Variants in TOM1 observed in about 807,000 individuals in gnomAD.
TOM1 encodes the protein target of myb1 membrane trafficking protein, also known as target of Myb protein 1.
In TOM1, 38 loss-of-function variants were observed where a neutral mutation model predicts 61.3. That is an observed-to-expected ratio of 0.62 (90% CI 0.48 to 0.81). The LOEUF is 0.81. TOM1 is among the 40% of genes least tolerant of loss of function. The pLI is 0.00. For synonymous variants in TOM1, 270 were observed against 268.8 expected, an observed-to-expected ratio of 1.00 and a Z score of -0.04; for missense variants, 591 against 659.6, an observed-to-expected ratio of 0.90 and a Z score of 1.14.
Position 35,332,980 on chromosome 22 carries a change from G to A in TOM1, c.900-1G>A. ...TAACTCGTGTCTTTTCTGTCTTGTA[G>A]GTTTGAACGGTTCCGAACAGGCCAG... On this transcript the variant is annotated splice_acceptor_variant, in intron 8 of 14. Transcript: ENST00000449058. LOFTEE classifies it high-confidence loss of function. The A allele has an allele frequency of 6.2e-7, 1 of 1,614,160 alleles. No individual in the cohort carries two copies.
chr22:35,320,677 C>T (rs1046354393), intron 2 of TOM1, among the ~76,000 whole-genome samples: 8 of 152,280 alleles, frequency 5.3e-5, no homozygotes, highest in Middle Eastern at 3.4e-3. Context: ...CCCATCCTCA[C>T]CTCTGCTCTT....
intron 6 of TOM1, among the ~76,000 whole-genome samples, chr22:35,326,331 G>A (rs1045796757): frequency 2.6e-5 from 4 of 152,180 alleles, no homozygotes; most frequent in African/African-American, 9.7e-5. Flanking sequence ...CAGTGTGCAT[G>A]AGGGCATTAA....
intron 1 of TOM1, among the ~76,000 whole-genome samples, chr22:35,308,956 GA>G (rs1347090871): frequency 6.6e-6 from 1 of 152,126 alleles, no homozygotes; most frequent in Non-Finnish European, 1.5e-5. Context: ...AGCAAATTAG[GA>G]GATGGATGGA....
chr22:35,323,057 G>T lies in TOM1; in HGVS notation c.246G>T (p.Gly82=), dbSNP rs1340998030. The change falls in exon 4 of 15, where the codon GGG becomes GGT. Residue 82 remains glycine (G), a synonymous_variant. Coordinates refer to ENST00000449058, the MANE Select transcript of TOM1 (RefSeq NM_005488.3). The surrounding 1 kb of genome is among the most constrained non-coding windows in gnomAD (Gnocchi z 4.2). ...TVLETCVKNC[G]HRFHVLVASQ... ...TAGAAACCTGTGTCAAGAACTGCGG[G>T]CACCGCTTCCACGTGCTGGTGGCCA... 17 of 1,614,012 alleles carry T rather than the reference G, an allele frequency of 1.1e-5. No homozygotes were observed. Among genetic ancestry groups the T allele is most frequent in the Non-Finnish European group, 1.4e-5 (17 of 1,180,054 alleles).
chr22:35,301,954 A>G (rs1165370077), intron 1 of TOM1, among the ~76,000 whole-genome samples: 1 of 152,234 alleles, frequency 6.6e-6, no homozygotes, highest in Non-Finnish European at 1.5e-5. Flanking sequence ...TTAAAAATAA[A>G]CAAGTAAATA....
chr22:35,301,911 CT>C (rs1381033932), intron 1 of TOM1, among the ~76,000 whole-genome samples: 1 of 152,192 alleles, frequency 6.6e-6, no homozygotes, highest in African/African-American at 2.4e-5. Context: ...GAAACCACTG[CT>C]TTTATCACAT....
At chr22:35,308,036 G>A (rs1926481635) in intron 1 of TOM1, among the ~76,000 whole-genome samples, 1 of 152,154 alleles carries the variant, frequency 6.6e-6, no homozygotes, top group Admixed American at 6.5e-5. Context: ...GGCCTGAATA[G>A]GAAAAAGACT....
In TOM1 at chr22:35,299,982, T is replaced by G. The variant is rs767077865; in HGVS notation, c.52+2T>G. ...GCTCTCCAGTGGGACAGCGCATCGGTGAGTCCCTGGAGCCCCCCACAGCTC... is the reference window on the plus strand; with the variant it reads ...GCTCTCCAGTGGGACAGCGCATCGGGGAGTCCCTGGAGCCCCCCACAGCTC... On this transcript the variant is annotated splice_donor_variant, in intron 1 of 14. Coordinates refer to ENST00000449058, the MANE Select transcript of TOM1 (RefSeq NM_005488.3). LOFTEE classifies it high-confidence loss of function. 3 of 1,571,622 alleles carry G rather than the reference T, an allele frequency of 1.9e-6. No homozygotes were observed. Among genetic ancestry groups the G allele is most frequent in the Non-Finnish European group, 2.6e-6 (3 of 1,157,466 alleles).
At chr22:35,342,149 A>G (rs1327437228) in intron 12 of TOM1, among the ~76,000 whole-genome samples, 1 of 152,158 alleles carries the variant, frequency 6.6e-6, no homozygotes, top group Non-Finnish European at 1.5e-5. Flanking sequence ...TCAAAAAAAA[A>G]GAAACAGAAT....
chr22:35,341,370 A>G (rs1929868243), intron 12 of TOM1, among the ~76,000 whole-genome samples: 2 of 152,116 alleles, frequency 1.3e-5, no homozygotes, highest in South Asian at 4.1e-4. Context: ...ACAGGGAGAT[A>G]CCCTGCCTAG....
At chr22:35,308,110 A>T (rs1174629502) in intron 1 of TOM1, among the ~76,000 whole-genome samples, 2 of 152,044 alleles carry the variant, frequency 1.3e-5, no homozygotes, top group East Asian at 3.9e-4. Flanking sequence ...CTTGGACAGC[A>T]TCTGTTTCCT....
At position 35,307,282 on chromosome 22, in the gene TOM1, T is replaced by G. The variant is rs568003604; in HGVS notation, c.52+7302T>G. ...GCTTATCTGTTAAAATTTGACCTCATCCTATATAATTATATCCATGAAATC... is the reference window on the plus strand; with the variant it reads ...GCTTATCTGTTAAAATTTGACCTCAGCCTATATAATTATATCCATGAAATC... On this transcript the variant is annotated intron_variant, in intron 1 of 14. Transcript: ENST00000449058. Among the ~76,000 whole-genome samples, 19 of 152,300 alleles carry G rather than the reference T, an allele frequency of 1.2e-4. No individual in the cohort carries two copies. The South Asian group carries it at 3.7e-3, about 30-fold the overall frequency.
rs903939191 is a variant in TOM1 at position 35,317,935 on chromosome 22, C to T, written c.111C>T (p.Cys37=). 8 of 1,613,968 alleles carry T rather than the reference C, an allele frequency of 5.0e-6. No individual in the cohort carries two copies. In the Admixed American group the frequency reaches 6.7e-5, roughly 13 times the overall value. Residue 37 remains cysteine, a synonymous_variant, in exon 2 of 15, where the codon TGC becomes TGT. Coordinates refer to ENST00000449058, the MANE Select transcript of TOM1 (RefSeq NM_005488.3). ...SEDWALNMEI[C]DIINETEEGP... is the part of the protein sequence containing the mutation. ...ACTGGGCCCTCAACATGGAGATCTG[C>T]GACATCATCAACGAGACGGAGGAAG...
intron 9 of TOM1, 109 bp downstream of exon 9, chr22:35,333,123 C>G: frequency 8.1e-7 from 1 of 1,241,782 alleles, no homozygotes; most frequent in Non-Finnish European, 1.2e-6. Context: ...CTGTCTTATC[C>G]AGGCCCATAG....
At chr22:35,343,179 CA>C in intron 12 of TOM1, among the ~76,000 whole-genome samples, 1 of 135,528 alleles carries the variant, frequency 7.4e-6, no homozygotes, top group Admixed American at 7.4e-5. Context: ...CACCTACACA[CA>C]CCACACCTCC....
chr22:35,323,178 G>C lies in TOM1; in HGVS notation c.366+1G>C. 1.2e-6 allele frequency: 2 copies of C among 1,613,568 alleles called. No individual in the cohort carries two copies. The highest frequency in any genetic ancestry group is 1.7e-6 in the Non-Finnish European group (2 of 1,180,024). ...TGACAAAGTGCTCAACCTCATCCAGGTGAGTGCCAGGACAGGGCAGGGCAC... is the reference window on the plus strand; with the variant it reads ...TGACAAAGTGCTCAACCTCATCCAGCTGAGTGCCAGGACAGGGCAGGGCAC... On this transcript the variant is annotated splice_donor_variant, in intron 4 of 14. Coordinates refer to ENST00000449058, the MANE Select transcript of TOM1 (RefSeq NM_005488.3). LOFTEE classifies it high-confidence loss of function. This position sits in a 1 kb window ranked among gnomAD's most constrained non-coding sequence, Gnocchi z 4.2.
At chr22:35,311,326 G>A (rs553920643) in intron 1 of TOM1, among the ~76,000 whole-genome samples, 8 of 152,206 alleles carry the variant, frequency 5.3e-5, no homozygotes, top group South Asian at 2.1e-4. Flanking sequence ...AACAGGAAAC[G>A]CAACCAGCAG....
chr22:35,339,079 C>T (rs1929647873), intron 12 of TOM1, among the ~76,000 whole-genome samples: 1 of 152,130 alleles, frequency 6.6e-6, no homozygotes, highest in Admixed American at 6.5e-5. Flanking sequence ...ACCTGTAATC[C>T]CAGCACTTCG....
chr22:35,311,808 G>A (rs1205192992), intron 1 of TOM1, among the ~76,000 whole-genome samples: 3 of 152,204 alleles, frequency 2.0e-5, no homozygotes, highest in Non-Finnish European at 4.4e-5. Context: ...GAGGTCCTCC[G>A]AGCATCCTGC....
Sources: allele counts gnomAD v4.1 joint callset (sites outside exome capture counted in the v4.1 genomes callset), GRCh38; gene constraint gnomAD v4.1.1; non-coding constraint Gnocchi (gnomAD v3.1); transcripts MANE v1.5; gene names NCBI Gene and HGNC (gene_info 2026-07-23, HGNC 2026-07-21).